EPM2A: variants seen among roughly 807,000 people sequenced by gnomAD.
EPM2A encodes the protein EPM2A glucan phosphatase, laforin.
In EPM2A, 21 loss-of-function variants were observed where a neutral mutation model predicts 26.5. The ratio of observed to expected loss-of-function variants is 0.79; its 90% confidence interval spans 0.56 to 1.14. The LOEUF is 1.14. EPM2A is among the 50% of genes most tolerant of loss of function. The pLI, the probability that EPM2A is intolerant of heterozygous loss-of-function variation, is 0.00. For missense variants in EPM2A, 458 were observed against 440.8 expected (o/e 1.04, Z -0.35); for synonymous variants, 217 against 177.6 (o/e 1.22, Z -1.76).
At chr6:145,454,992 T>C (rs1164463092) in intron 4 of EPM2A, among the ~76,000 whole-genome samples, 2 of 146,514 alleles carry the variant, frequency 1.4e-5, no homozygotes, top group African/African-American at 4.9e-5. Flanking sequence ...TGTATGTGCA[T>C]ACATATATAT....
At chr6:145,562,913 G>T (rs928983511) in intron 2 of EPM2A, among the ~76,000 whole-genome samples, 5 of 151,230 alleles carry the variant, frequency 3.3e-5, no homozygotes, top group African/African-American at 1.2e-4. Context: ...GTCTGAGGGG[G>T]TGTGTCTTCT....
At chr6:145,614,979 G>A (rs983699241) in intron 2 of EPM2A, among the ~76,000 whole-genome samples, 1 of 152,174 alleles carries the variant, frequency 6.6e-6, no homozygotes, top group African/African-American at 2.4e-5. Flanking sequence ...ATAAAGGGAA[G>A]CACAGTCAAA....
chr6:145,390,155 G>A (rs572920842), intron 4 of EPM2A, among the ~76,000 whole-genome samples: 55 of 152,198 alleles, frequency 3.6e-4, no homozygotes, highest in Admixed American at 1.7e-3. Flanking sequence ...GACACCTAAG[G>A]AAGAACTGCA....
chr6:145,661,820 C>T (rs988897412), intron 2 of EPM2A, among the ~76,000 whole-genome samples: 2 of 152,038 alleles, frequency 1.3e-5, no homozygotes, highest in Admixed American at 6.6e-5. Context: ...ACCATTACTC[C>T]GGCTGAGCAT....
At position 145,686,102 on chromosome 6, in the gene EPM2A, A is replaced by C; in HGVS notation, c.476+20T>G. 1 of 1,604,650 alleles carries C rather than the reference A, an allele frequency of 6.2e-7. No individual in the cohort carries two copies. The highest frequency in any genetic ancestry group is 8.5e-7 in the Non-Finnish European group (1 of 1,171,510). On this transcript the variant is annotated intron_variant, in intron 2 of 3. Transcript: ENST00000367519. Reference sequence around the variant, plus strand: ...TCTCTTGTCCTACTTCTATGCCTATAAATATAGCACTATTTTTACCTTGAA... The same window carrying C: ...TCTCTTGTCCTACTTCTATGCCTATCAATATAGCACTATTTTTACCTTGAA...
chr6:145,689,391 A>T (rs9390343), intron 1 of EPM2A, among the ~76,000 whole-genome samples: 77,728 of 151,988 alleles, frequency 0.51, 20,523 homozygotes, highest in East Asian at 0.7. Context: ...AGTATAATTT[A>T]AAACCCTGAA....
chr6:145,692,502 T>C (rs1781339475), intron 1 of EPM2A, among the ~76,000 whole-genome samples: 1 of 152,032 alleles, frequency 6.6e-6, no homozygotes, highest in Admixed American at 6.6e-5. Context: ...CAAATTGTGT[T>C]TTCTGACATT....
At chr6:145,425,576 G>C (rs1402778655) in intron 4 of EPM2A, among the ~76,000 whole-genome samples, 2 of 150,106 alleles carry the variant, frequency 1.3e-5, no homozygotes, top group African/African-American at 4.9e-5. Context: ...GCCAAAGATA[G>C]CTTCTGTACC....
chr6:145,505,119 T>C (rs1169886939), intron 2 of EPM2A, among the ~76,000 whole-genome samples: 2 of 128,576 alleles, frequency 1.6e-5, no homozygotes, highest in African/African-American at 5.7e-5. Context: ...GGGGGAGGGA[T>C]AGCACTGGGA....
intron 2 of EPM2A, among the ~76,000 whole-genome samples, chr6:145,527,008 G>C (rs1288119548): frequency 2.0e-4 from 31 of 151,888 alleles, no homozygotes; most frequent in Admixed American, 1.8e-3. Flanking sequence ...TACTTCAAAT[G>C]ATTTTTTGAT....
downstream of EPM2A, among the ~76,000 whole-genome samples, chr6:145,622,852 A>G (rs1217682366): frequency 3.3e-5 from 5 of 152,242 alleles, no homozygotes; most frequent in Admixed American, 6.5e-5. Context: ...TGGCTGCCCC[A>G]GCAAACAGAT....
rs556631433 is a variant in EPM2A, at chr6:145,571,073, G to A, written c.340+64172C>T. The stretch of plus-strand genomic sequence containing the variant: ...CTAGGCCAGCAGAGCATAATGTCAC[G>A]GGAAAAAGAAGCAAACATTTTGTTA... On this transcript the variant is annotated intron_variant, in intron 2 of 3. Coordinates refer to the EPM2A transcript ENST00000450221. 7.2e-5 allele frequency among the ~76,000 whole-genome samples: 11 copies of A among 152,272 alleles called. 1 individual carries two copies. Among genetic ancestry groups the A allele is most frequent in the Non-Finnish European group, 1.2e-4 (8 of 68,018 alleles).
chr6:145,724,562 AGAACAAGAAC>A (rs1351029388), intron 1 of EPM2A, among the ~76,000 whole-genome samples: 2 of 152,134 alleles, frequency 1.3e-5, no homozygotes, highest in African/African-American at 4.8e-5. Flanking sequence ...ACAATTTTGA[AGAACAAGAAC>A]AAAGTTGGAA....
chr6:145,455,550 G>GT (rs1239423066), intron 4 of EPM2A, among the ~76,000 whole-genome samples: 1 of 152,050 alleles, frequency 6.6e-6, no homozygotes, highest in Non-Finnish European at 1.5e-5. Context: ...TAGAGACAGG[G>GT]TTTCACCATG....
At chr6:145,706,335 A>G (rs1447862339) in intron 1 of EPM2A, among the ~76,000 whole-genome samples, 2 of 152,230 alleles carry the variant, frequency 1.3e-5, no homozygotes, top group East Asian at 1.9e-4. Context: ...CCTAATTTAT[A>G]TATATGTAAA....
downstream of EPM2A, among the ~76,000 whole-genome samples, chr6:145,497,608 C>T (rs1344013709): frequency 2.1e-5 from 1 of 47,426 alleles, no homozygotes; most frequent in African/African-American, 6.9e-5. Context: ...CTGTGGTAAG[C>T]CTGGGCTCTC....
At chr6:145,418,676 A>G (rs986754254) in intron 4 of EPM2A, among the ~76,000 whole-genome samples, 1 of 152,180 alleles carries the variant, frequency 6.6e-6, no homozygotes, top group Non-Finnish European at 1.5e-5. Flanking sequence ...ACTTCTGATC[A>G]GGGTACTCCA....
chr6:145,649,019 T>C (rs979451356), intron 2 of EPM2A, among the ~76,000 whole-genome samples: 2 of 152,248 alleles, frequency 1.3e-5, no homozygotes, highest in African/African-American at 4.8e-5. Context: ...AGTGATTTAA[T>C]TGATTTGTAG....
At chr6:145,555,211 G>A (rs436498) in intron 2 of EPM2A, among the ~76,000 whole-genome samples, 54,004 of 151,782 alleles carry the variant, frequency 0.36, 10,126 homozygotes, top group South Asian at 0.51. Flanking sequence ...GACCATGCTA[G>A]CAATCATCAT....
Sources: gnomAD v4.1 joint callset for allele counts (sites outside exome capture counted in the v4.1 genomes callset) on GRCh38, gnomAD v4.1.1 for gene constraint, MANE v1.5 for transcripts, NCBI Gene and HGNC (gene_info 2026-07-23, HGNC 2026-07-21) for gene names.